Variants in DYRK1A observed in about 807,000 individuals in gnomAD.
DYRK1A encodes the protein dual specificity tyrosine phosphorylation regulated kinase 1A, also known as dual specificity tyrosine-phosphorylation-regulated kinase 1A.
DYRK1A carries 9 observed loss-of-function variants against 79.7 expected under a neutral mutation model. The ratio of observed to expected loss-of-function variants is 0.11; its 90% CI spans 0.07 to 0.20. DYRK1A has a LOEUF of 0.20. Among genes scored for constraint, DYRK1A ranks in the 10% least tolerant of loss-of-function variants. The pLI, the probability that DYRK1A is intolerant of heterozygous loss-of-function variation, is 1.00. For synonymous variants in DYRK1A, 349 were observed against 329.7 expected (o/e 1.06, Z -0.63); for missense variants, 622 against 956.0 (o/e 0.65, Z 4.61).
At chr21:37,371,077 C>A (rs1205052322) in intron 1 of DYRK1A, among the ~76,000 whole-genome samples, 2 of 152,182 alleles carry the variant, frequency 1.3e-5, no homozygotes, top group Non-Finnish European at 2.9e-5. Context: ...TGTTTAATTA[C>A]TTGGAAAAAT....
chr21:37,431,976 T>A (rs1430315341), intron 2 of DYRK1A, among the ~76,000 whole-genome samples: 2 of 152,214 alleles, frequency 1.3e-5, no homozygotes, highest in Non-Finnish European at 2.9e-5. Context: ...GTTGTCTGGA[T>A]AAGTACAGTA....
intron 1 of DYRK1A, among the ~76,000 whole-genome samples, chr21:37,411,648 A>G (rs2050247169): frequency 1.3e-5 from 2 of 152,212 alleles, no homozygotes; most frequent in Non-Finnish European, 2.9e-5. Context: ...TGTGCCAGTC[A>G]TTTTTATAGA....
chr21:37,373,108 G>A (rs2049465845), intron 1 of DYRK1A, among the ~76,000 whole-genome samples: 1 of 152,200 alleles, frequency 6.6e-6, no homozygotes, highest in Non-Finnish European at 1.5e-5. Context: ...GAACCTGTAT[G>A]TTGAATCCTT....
chr21:37,392,363 T>C (rs1190127141), intron 1 of DYRK1A, among the ~76,000 whole-genome samples: 2 of 152,236 alleles, frequency 1.3e-5, no homozygotes, highest in East Asian at 1.9e-4. Context: ...TCCTTTCTTA[T>C]TGTATTATCA....
chr21:37,433,471 G>A (rs1218335165), intron 2 of DYRK1A, among the ~76,000 whole-genome samples: 1 of 152,200 alleles, frequency 6.6e-6, no homozygotes. Context: ...AAATATTAAA[G>A]ATTCATGAGT....
rs541048303 is a variant in DYRK1A at position 37,433,686 on chromosome 21, G to C, written c.10+13302G>C. 1.9e-4 allele frequency among the ~76,000 whole-genome samples: 29 copies of C among 152,264 alleles called. No individual in the cohort carries two copies. The South Asian group carries it at 6.0e-3, about 32-fold the overall frequency. On this transcript the variant is annotated intron_variant, in intron 2 of 11. Coordinates refer to ENST00000647188, the MANE Select transcript of DYRK1A (RefSeq NM_001347721.2). Reference sequence around the variant, plus strand: ...ACAGTGATTTTCAAACCTGTCTTAAGCCTTGACTCGTAGTGTGTAGATGAT... The same window carrying C: ...ACAGTGATTTTCAAACCTGTCTTAACCCTTGACTCGTAGTGTGTAGATGAT...
chr21:37,498,769 A>G lies in DYRK1A; in HGVS notation c.1212+2511A>G, dbSNP rs73400155. Among the ~76,000 whole-genome samples, 712 of 152,192 alleles carry G rather than the reference A, an allele frequency of 4.7e-3. 4 individuals carry two copies. The highest frequency in any genetic ancestry group is 0.016 in the African/African-American group (666 of 41,530). The stretch of plus-strand genomic sequence containing the variant: ...AACACCAGTTCTCCAAAGTTGTTTT[A>G]TTTTATATTCCCATGATGTATGAGG... On this transcript the variant is annotated intron_variant, in intron 9 of 11. Transcript: ENST00000647188.
At chr21:37,469,017 T>A (rs1226260910) in intron 2 of DYRK1A, among the ~76,000 whole-genome samples, 1 of 152,202 alleles carries the variant, frequency 6.6e-6, no homozygotes, top group African/African-American at 2.4e-5. Context: ...GCAACCTGAA[T>A]GTACATTTCA....
chr21:37,477,280 A>G (rs563961473), intron 3 of DYRK1A, among the ~76,000 whole-genome samples: 140 of 152,314 alleles, frequency 9.2e-4, no homozygotes, highest in African/African-American at 2.5e-3. Context: ...TTGGGCAGGA[A>G]CACAAAGATG....
chr21:37,440,752 C>T (rs1307621477), intron 2 of DYRK1A, among the ~76,000 whole-genome samples: 5 of 152,092 alleles, frequency 3.3e-5, no homozygotes, highest in African/African-American at 1.2e-4. Context: ...TTTAGTTTGT[C>T]ACCAGAGAAC....
intron 1 of DYRK1A, among the ~76,000 whole-genome samples, chr21:37,416,351 G>C (rs753202336): frequency 1.4e-4 from 15 of 105,732 alleles, no homozygotes; most frequent in Non-Finnish European, 2.8e-4. Context: ...GACTGTGACT[G>C]TTTTCTAGGG....
rs1380000716 is a variant in DYRK1A, at chr21:37,472,823, C to T, written c.150C>T (p.Asp50=). 1.2e-6 allele frequency: 2 copies of T among 1,608,766 alleles called. No homozygotes were observed. The highest frequency in any genetic ancestry group is 3.3e-5 in the Admixed American group (2 of 59,792). ...YSDRRQPNIS[D]QQVSALSYSD... ...ACCGTCGCCAGCCAAACATAAGTGA[C>T]CAACAGGTTTCTGCCTTATCATATT... is the stretch of plus-strand genomic sequence containing the variant. Residue 50 remains aspartate (D), a synonymous_variant, in exon 3 of 12, where the codon GAC becomes GAT. Coordinates refer to ENST00000647188, the MANE Select transcript of DYRK1A (RefSeq NM_001347721.2).
intron 1 of DYRK1A, among the ~76,000 whole-genome samples, chr21:37,404,163 G>C (rs2050108032): frequency 5.3e-5 from 8 of 152,162 alleles, no homozygotes; most frequent in Admixed American, 5.2e-4. Flanking sequence ...GTATCCATAA[G>C]TAAATAAACA....
intron 1 of DYRK1A, among the ~76,000 whole-genome samples, chr21:37,387,181 T>A (rs1055513396): frequency 3.3e-5 from 5 of 152,392 alleles, no homozygotes; most frequent in African/African-American, 1.2e-4. Context: ...TCCCTATTTT[T>A]GTATTTGCCT....
chr21:37,463,294 A>C (rs1223560679), intron 2 of DYRK1A, among the ~76,000 whole-genome samples: 1 of 151,452 alleles, frequency 6.6e-6, no homozygotes, highest in African/African-American at 2.4e-5. Context: ...ATTTGTTCTT[A>C]TTGGCTCACT....
chr21:37,507,415 T>C (rs982309438), intron 11 of DYRK1A, among the ~76,000 whole-genome samples: 2 of 152,158 alleles, frequency 1.3e-5, no homozygotes, highest in Non-Finnish European at 2.9e-5. Context: ...CGTGTCCCCC[T>C]TTCTTTCCCT....
At chr21:37,448,811 C>G (rs1037803647) in intron 2 of DYRK1A, among the ~76,000 whole-genome samples, 1 of 152,174 alleles carries the variant, frequency 6.6e-6, no homozygotes. Flanking sequence ...ATCCTCCCAT[C>G]TCAGCCTCCT....
chr21:37,398,097 T>A (rs1448885240), intron 1 of DYRK1A, among the ~76,000 whole-genome samples: 1 of 147,550 alleles, frequency 6.8e-6, no homozygotes, highest in African/African-American at 2.5e-5. Flanking sequence ...ATATTTATAT[T>A]TATATATTTT....
chr21:37,506,030 C>T (rs1018692665), intron 10 of DYRK1A, 69 bp from the exon 11 acceptor site: 5 of 1,526,458 alleles, frequency 3.3e-6, no homozygotes, highest in African/African-American at 2.7e-5. Flanking sequence ...GGTATAGCTT[C>T]AGAGTATAAA....
Sources: allele counts gnomAD v4.1 joint callset (sites outside exome capture counted in the v4.1 genomes callset), GRCh38; gene constraint gnomAD v4.1.1; transcripts MANE v1.5; gene names NCBI Gene and HGNC (gene_info 2026-07-23, HGNC 2026-07-21).